Variants in MED13L observed in about 807,000 individuals in gnomAD.
The protein encoded by MED13L is mediator complex subunit 13L, also known as mediator of RNA polymerase II transcription subunit 13-like.
MED13L carries 7 observed loss-of-function variants against 220.9 expected under a neutral mutation model. That is an observed-to-expected ratio of 0.03 (90% CI 0.02 to 0.06). The LOEUF (loss-of-function observed/expected upper bound fraction) is 0.06, where lower values mean the gene tolerates loss of function less well. MED13L is among the 10% of genes least tolerant of loss of function. The probability of loss-of-function intolerance (pLI) is 1.00; values close to 1 mark genes in which losing one functional copy is unlikely to be tolerated. For synonymous variants in MED13L, 1,011 were observed against 1,015.2 expected, an observed-to-expected ratio of 1.00 and a Z score of 0.08; for missense variants, 1,965 against 2,760.5, an observed-to-expected ratio of 0.71 and a Z score of 6.46.
At chr12:116,118,096 A>G (rs531436738) in intron 2 of MED13L, among the ~76,000 whole-genome samples, 124 of 152,348 alleles carry the variant, frequency 8.1e-4, no homozygotes, top group Non-Finnish European at 1.6e-3. Context: ...GGTGTCAGCC[A>G]CTGCACGCAG....
At position 116,018,766 on chromosome 12, in the gene MED13L, TACTAAGC is replaced by T. The variant is rs1879877702; in HGVS notation, c.1009+451_1009+457del. Among the ~76,000 whole-genome samples, 3 of 152,168 alleles carry T rather than the reference TACTAAGC, an allele frequency of 2.0e-5. 1 individual carries two copies. The South Asian group carries it at 6.2e-4, about 32-fold the overall frequency. On this transcript the variant is annotated intron_variant, in intron 7 of 30. Coordinates refer to ENST00000281928, the MANE Select transcript of MED13L (RefSeq NM_015335.5). ...ACAGAGAAAAGTATTTATTCAGAGC[TACTAAGC>T]ACTAGTCTAACTTTACATCTAACAG...
At chr12:115,962,112 A>G (rs1875804995) in intron 30 of MED13L, among the ~76,000 whole-genome samples, 2 of 152,206 alleles carry the variant, frequency 1.3e-5, no homozygotes, top group South Asian at 4.1e-4. Flanking sequence ...TCTTTTTACT[A>G]TTTTAATGTG....
At chr12:116,006,444 G>A (rs1316959083) in intron 11 of MED13L, 33 bp from the exon 12 acceptor site, 1 of 1,536,446 alleles carries the variant, frequency 6.5e-7, no homozygotes. Context: ...CAAAACACAT[G>A]AACACCAACC....
At chr12:116,237,848 G>A in intron 1 of MED13L, 143 bp from the exon 2 acceptor site, 1 of 775,410 alleles carries the variant, frequency 1.3e-6, no homozygotes, top group Non-Finnish European at 2.2e-6. Flanking sequence ...AGTGAAGAAT[G>A]TATGTCAATC....
intron 4 of MED13L, among the ~76,000 whole-genome samples, chr12:116,040,908 A>C (rs1379862100): frequency 6.6e-6 from 1 of 152,190 alleles, no homozygotes; most frequent in Non-Finnish European, 1.5e-5. Flanking sequence ...CTAGATGTAG[A>C]CAATCTACAG....
At chr12:116,059,381 A>C (rs1869249371) in intron 4 of MED13L, among the ~76,000 whole-genome samples, 1 of 149,734 alleles carries the variant, frequency 6.7e-6, no homozygotes, top group Non-Finnish European at 1.5e-5. Context: ...GCTTGATTTC[A>C]CTGTCAATAA....
intron 4 of MED13L, among the ~76,000 whole-genome samples, chr12:116,096,376 A>AAAAAAAAAAAAAAAAAAAAC: frequency 6.8e-6 from 1 of 147,638 alleles, no homozygotes; most frequent in Non-Finnish European, 1.5e-5. Context: ...AAAAAAAAAA[A>AAAAAAAAAAAAAAAAAAAAC]AAAAAGTCAA....
At chr12:116,229,569 G>C (rs1869347479) in intron 2 of MED13L, among the ~76,000 whole-genome samples, 1 of 152,006 alleles carries the variant, frequency 6.6e-6, no homozygotes, top group Non-Finnish European at 1.5e-5. Flanking sequence ...GTTGCCTGTG[G>C]TAACACATCG....
intron 2 of MED13L, among the ~76,000 whole-genome samples, chr12:116,196,610 G>A (rs1881641614): frequency 6.6e-6 from 1 of 152,108 alleles, no homozygotes; most frequent in South Asian, 2.1e-4. Context: ...CAATCAAAAA[G>A]CAAACCTACT....
chr12:116,119,384 C>G, intron 2 of MED13L, among the ~76,000 whole-genome samples: 1 of 152,056 alleles, frequency 6.6e-6, no homozygotes, highest in East Asian at 1.9e-4. Context: ...TTGGTGGTAG[C>G]TAGCAGTACC....
intron 2 of MED13L, among the ~76,000 whole-genome samples, chr12:116,193,196 A>T (rs1461224046): frequency 1.3e-5 from 2 of 152,156 alleles, no homozygotes; most frequent in African/African-American, 4.8e-5. Flanking sequence ...CTGTAGTCAC[A>T]GCTGCTTGGG....
chr12:116,032,506 T>C (rs1316275567), intron 4 of MED13L, among the ~76,000 whole-genome samples: 1 of 152,134 alleles, frequency 6.6e-6, no homozygotes, highest in Non-Finnish European at 1.5e-5. Flanking sequence ...TGCCTATTGC[T>C]CTCTCCCCTT....
At chr12:116,163,346 T>C (rs1879021029) in intron 2 of MED13L, among the ~76,000 whole-genome samples, 1 of 146,414 alleles carries the variant, frequency 6.8e-6, no homozygotes, top group Non-Finnish European at 1.5e-5. Context: ...ATAATTGCAC[T>C]GTTTATAGGT....
At chr12:116,062,641 C>T (rs936822441) in intron 4 of MED13L, among the ~76,000 whole-genome samples, 2 of 152,028 alleles carry the variant, frequency 1.3e-5, no homozygotes, top group African/African-American at 2.4e-5. Context: ...GCATGCGCCA[C>T]CACACCAAGC....
intron 5 of MED13L, among the ~76,000 whole-genome samples, chr12:116,020,931 A>T (rs1268394439): frequency 6.6e-6 from 1 of 152,114 alleles, no homozygotes; most frequent in Non-Finnish European, 1.5e-5. Flanking sequence ...CAAGAGAGAG[A>T]CAGTTATAGA....
chr12:116,195,198 A>T (rs1418530700), intron 2 of MED13L, among the ~76,000 whole-genome samples: 1 of 152,146 alleles, frequency 6.6e-6, no homozygotes, highest in Non-Finnish European at 1.5e-5. Flanking sequence ...CAACTGGAAC[A>T]AAGATGCAGG....
intron 29 of MED13L, among the ~76,000 whole-genome samples, chr12:115,965,210 C>T (rs1296432227): frequency 1.3e-5 from 2 of 152,132 alleles, no homozygotes; most frequent in Non-Finnish European, 1.5e-5. Context: ...ATCTCTACTC[C>T]ACAGAATGAT....
At chr12:116,169,176 AGAT>A (rs1879499967) in intron 2 of MED13L, 1 of 154,026 alleles carries the variant, frequency 6.5e-6, no homozygotes, top group Non-Finnish European at 1.5e-5. Flanking sequence ...GTATGTGTGG[AGAT>A]GGCAACTAGT....
rs76148996 is a variant in MED13L, at chr12:116,083,809, T to G, written c.479+12860A>C. Among the ~76,000 whole-genome samples, 6 of 152,260 alleles carry G rather than the reference T, an allele frequency of 3.9e-5. No homozygotes were observed. The East Asian group carries it at 1.2e-3, about 29-fold the overall frequency. ...GCATCACCCTAGCCTCAGTTACAAT[T>G]TGGTCCCTCAGTACCTTCAACTGAT... On this transcript the variant is annotated intron_variant, in intron 4 of 30. Transcript: ENST00000281928.
Sources: allele counts gnomAD v4.1 joint callset (sites outside exome capture counted in the v4.1 genomes callset), GRCh38; gene constraint gnomAD v4.1.1; transcripts MANE v1.5; gene names NCBI Gene and HGNC (gene_info 2026-07-23, HGNC 2026-07-21).